RIMS2: variants seen among roughly 807,000 people sequenced by gnomAD.
RIMS2 encodes the protein regulating synaptic membrane exocytosis protein 2.
Under a neutral mutation model 174.4 loss-of-function variants are expected in RIMS2, and 59 were observed. The ratio of observed to expected loss-of-function variants is 0.34; its 90% CI spans 0.27 to 0.42. The LOEUF is 0.42. RIMS2 is among the 10% of genes least tolerant of loss of function. RIMS2 has a pLI of 1.00. For synonymous variants in RIMS2, 606 were observed against 572.5 expected, an observed-to-expected ratio of 1.06 and a Z score of -0.84; for missense variants, 1,620 against 1,666.3, an observed-to-expected ratio of 0.97 and a Z score of 0.48.
At chr8:104,254,029 A>G (rs1678568221), downstream of RIMS2, 1 of 152,216 alleles carries the variant, frequency 6.6e-6, no homozygotes, top group Non-Finnish European at 1.5e-5. Flanking sequence ...ATAGACCTAT[A>G]GTGTCTATAC....
At chr8:104,127,383 C>G (rs73299426) in intron 19 of RIMS2, among the ~76,000 whole-genome samples, 1 of 152,146 alleles carries the variant, frequency 6.6e-6, no homozygotes, top group East Asian at 1.9e-4. Flanking sequence ...CATCTAGGCT[C>G]AATTCCAATC....
chr8:103,835,044 T>A (rs544124615), intron 3 of RIMS2, among the ~76,000 whole-genome samples: 1 of 152,074 alleles, frequency 6.6e-6, no homozygotes, highest in African/African-American at 2.4e-5. Flanking sequence ...GTGCTGGGAT[T>A]ACAGGCATGA....
intron 1 of RIMS2, among the ~76,000 whole-genome samples, chr8:103,628,980 C>T (rs2095850914): frequency 6.6e-6 from 1 of 152,172 alleles, no homozygotes; most frequent in Non-Finnish European, 1.5e-5. Context: ...AAGCAGCAAC[C>T]TCTCCATACC....
chr8:104,089,904 A>G (rs2097607861), intron 19 of RIMS2, among the ~76,000 whole-genome samples: 1 of 151,844 alleles, frequency 6.6e-6, no homozygotes, highest in Admixed American at 6.6e-5. Context: ...TCTCCCTAGT[A>G]AGAAGGCTAA....
chr8:104,068,761 G>C (rs1408702870), intron 19 of RIMS2, 149 bp downstream of exon 23: 1 of 534,468 alleles, frequency 1.9e-6, no homozygotes, highest in African/African-American at 1.9e-5. Flanking sequence ...TTATGTGTTT[G>C]TATACCGCTC....
At chr8:103,974,194 T>C (rs773936961) in intron 15 of RIMS2, among the ~76,000 whole-genome samples, 2 of 152,198 alleles carry the variant, frequency 1.3e-5, no homozygotes, top group Non-Finnish European at 2.9e-5. Flanking sequence ...CATGTACAGG[T>C]GAATCCTTGT....
At chr8:104,202,907 A>C (rs1486053997) in intron 19 of RIMS2, among the ~76,000 whole-genome samples, 1 of 152,248 alleles carries the variant, frequency 6.6e-6, no homozygotes, top group Non-Finnish European at 1.5e-5. Flanking sequence ...AGTATGGAAT[A>C]AAATGTAAAG....
At chr8:103,514,900 AAACAAC>A (rs760555689) in intron 1 of RIMS2, among the ~76,000 whole-genome samples, 12 of 149,924 alleles carry the variant, frequency 8.0e-5, no homozygotes, top group African/African-American at 3.0e-4. Context: ...TCTGTCTCAA[AAACAAC>A]AACAACAACA....
chr8:103,920,562 A>C (rs1037233916), intron 9 of RIMS2: 1 of 435,208 alleles, frequency 2.3e-6, no homozygotes, highest in Non-Finnish European at 4.6e-6. Flanking sequence ...AATTTCCAAC[A>C]CTAGTCTCTA....
intron 1 of RIMS2, among the ~76,000 whole-genome samples, chr8:103,513,089 C>T (rs1308654958): frequency 6.6e-6 from 1 of 152,098 alleles, no homozygotes; most frequent in Non-Finnish European, 1.5e-5. Flanking sequence ...TATGCATAGT[C>T]CTTGAACTGG....
chr8:103,603,458 A>T (rs1464634105), intron 1 of RIMS2, among the ~76,000 whole-genome samples: 6 of 150,526 alleles, frequency 4.0e-5, no homozygotes, highest in Admixed American at 1.3e-4. Flanking sequence ...CAATAAACAT[A>T]CGTGTGCATG....
intron 3 of RIMS2, among the ~76,000 whole-genome samples, chr8:103,826,735 C>T (rs1229448355): frequency 6.7e-6 from 1 of 150,098 alleles, no homozygotes; most frequent in Non-Finnish European, 1.5e-5. Flanking sequence ...TCTCTGTCAC[C>T]CAGTGGTGTG....
At chr8:103,979,634 GCAAA>G (rs1164333091) in intron 16 of RIMS2, among the ~76,000 whole-genome samples, 1 of 152,322 alleles carries the variant, frequency 6.6e-6, no homozygotes, top group African/African-American at 2.4e-5. Context: ...AATCAGGTGA[GCAAA>G]CACAGTACCT....
intron 1 of RIMS2, among the ~76,000 whole-genome samples, chr8:103,584,276 TC>T (rs1469129423): frequency 6.6e-6 from 1 of 152,032 alleles, no homozygotes; most frequent in African/African-American, 2.4e-5. Flanking sequence ...AATTAAAGAC[TC>T]CCAGATGAAC....
At chr8:103,520,983 T>A (rs1044570375) in intron 1 of RIMS2, among the ~76,000 whole-genome samples, 5 of 152,060 alleles carry the variant, frequency 3.3e-5, no homozygotes, top group African/African-American at 9.7e-5. Context: ...GTTTCATCCA[T>A]GTCCCTACAA....
chr8:103,551,737 G>A (rs1389795610), intron 1 of RIMS2, among the ~76,000 whole-genome samples: 1 of 152,150 alleles, frequency 6.6e-6, no homozygotes, highest in African/African-American at 2.4e-5. Flanking sequence ...AAGCTGATAA[G>A]CAACTTCAGC....
chr8:104,169,248 A>G (rs1013367751), intron 19 of RIMS2, among the ~76,000 whole-genome samples: 4 of 147,682 alleles, frequency 2.7e-5, no homozygotes, highest in African/African-American at 1.0e-4. Context: ...TTGTCTTTGA[A>G]TGTCTGATAG....
At chr8:104,184,580 T>C (rs2098958428) in intron 19 of RIMS2, among the ~76,000 whole-genome samples, 2 of 151,566 alleles carry the variant, frequency 1.3e-5, no homozygotes, top group East Asian at 3.9e-4. Flanking sequence ...AATATTTCAC[T>C]AACTATAGAC....
At position 103,828,577 on chromosome 8, in the gene RIMS2, A is replaced by G. The variant is rs1249887143; in HGVS notation, c.699-56721A>G. 3.9e-5 allele frequency among the ~76,000 whole-genome samples: 6 copies of G among 152,188 alleles called. No individual in the cohort carries two copies. The East Asian group carries it at 1.2e-3, about 29-fold the overall frequency. Reference sequence around the variant, plus strand: ...TGCTGTGCAGTGGCTCTTTAGTTTAATTAGGTCCCACTTGTCAATTTTTGG... The same window carrying G: ...TGCTGTGCAGTGGCTCTTTAGTTTAGTTAGGTCCCACTTGTCAATTTTTGG... On this transcript the variant is annotated intron_variant, in intron 3 of 23. Coordinates refer to ENST00000504942, the Ensembl canonical transcript of RIMS2.
Sources: allele counts gnomAD v4.1 joint callset (sites outside exome capture counted in the v4.1 genomes callset), GRCh38; gene constraint gnomAD v4.1.1; transcripts MANE v1.5; gene names NCBI Gene and HGNC (gene_info 2026-07-23, HGNC 2026-07-21).